KCNMB2: variants seen among roughly 807,000 people sequenced by gnomAD.
KCNMB2 encodes the protein potassium calcium-activated channel subfamily M regulatory beta subunit 2.
In KCNMB2, 9 loss-of-function variants were observed where a neutral mutation model predicts 24.5. The ratio of observed to expected loss-of-function variants is 0.37; its 90% CI spans 0.22 to 0.64. The LOEUF (loss-of-function observed/expected upper bound fraction) is 0.64. Among genes scored for constraint, KCNMB2 ranks in the 30% least tolerant of loss-of-function variants. The pLI is 0.63. For missense variants in KCNMB2, 226 were observed against 284.3 expected (o/e 0.79, Z 1.47); for synonymous variants, 109 against 104.4 (o/e 1.04, Z -0.27).
At chr3:178,663,922 G>T (rs1289357029) in intron 1 of KCNMB2, among the ~76,000 whole-genome samples, 1 of 152,044 alleles carries the variant, frequency 6.6e-6, no homozygotes, top group Non-Finnish European at 1.5e-5. Context: ...TCTAGAGACT[G>T]TGGCACAAGT....
At chr3:178,719,715 A>ATTT in intron 1 of KCNMB2, among the ~76,000 whole-genome samples, 1 of 152,110 alleles carries the variant, frequency 6.6e-6, no homozygotes, top group East Asian at 1.9e-4. Flanking sequence ...CCAAATATAC[A>ATTT]TTTTTCTCTT....
rs187044300 is a variant in KCNMB2, at chr3:178,687,659, T to C, written c.-67-119684T>C. On this transcript the variant is annotated intron_variant, in intron 1 of 4. Coordinates refer to ENST00000452583, the MANE Select transcript of KCNMB2 (RefSeq NM_181361.3). ...AAGTTTGAATGCAGAACCTCAATTT[T>C]TATTATTTATTTTTATGACTGCTGC... is the stretch of plus-strand genomic sequence containing the variant. Among the ~76,000 whole-genome samples, 19 of 152,298 alleles carry C rather than the reference T, an allele frequency of 1.2e-4. No homozygotes were observed. In the East Asian group the frequency reaches 3.7e-3, roughly 29 times the overall value.
At chr3:178,770,995 A>T (rs1031388190) in intron 1 of KCNMB2, among the ~76,000 whole-genome samples, 30 of 152,362 alleles carry the variant, frequency 2.0e-4, no homozygotes, top group Admixed American at 6.5e-4. Context: ...ACTCTCAGGA[A>T]AAACAATTGC....
chr3:178,748,733 C>T (rs932640929), intron 1 of KCNMB2, among the ~76,000 whole-genome samples: 2 of 151,984 alleles, frequency 1.3e-5, no homozygotes, highest in African/African-American at 4.8e-5. Context: ...ATTGAGAACC[C>T]CGCTATTGAA....
chr3:178,703,786 C>T lies in KCNMB2; in HGVS notation c.-67-103557C>T, dbSNP rs56987989. ...TATCTTAGCTTTTCCATGTGGAACC[C>T]AGCTTGCTGTAGACCCAATCTCTTT... On this transcript the variant is annotated intron_variant, in intron 1 of 4. Coordinates refer to ENST00000452583, the MANE Select transcript of KCNMB2 (RefSeq NM_181361.3). Among the ~76,000 whole-genome samples the T allele has an allele frequency of 1.7e-3, 261 of 152,278 alleles. 1 individual carries two copies. The highest frequency in any genetic ancestry group is 6.0e-3 in the African/African-American group (249 of 41,540).
intron 1 of KCNMB2, among the ~76,000 whole-genome samples, chr3:178,635,408 T>TATACAC (rs1553824936): frequency 2.8e-5 from 4 of 144,878 alleles, no homozygotes; most frequent in Admixed American, 2.8e-4. Context: ...TGCTTATGCA[T>TATACAC]ACACACACAC....
intron 1 of KCNMB2, among the ~76,000 whole-genome samples, chr3:178,796,893 C>A (rs1007776117): frequency 6.6e-6 from 1 of 151,712 alleles, no homozygotes; most frequent in Non-Finnish European, 1.5e-5. Context: ...AAAGACATAA[C>A]AGAGAGCAGA....
intron 1 of KCNMB2, among the ~76,000 whole-genome samples, chr3:178,564,918 T>C (rs1302502574): frequency 2.0e-5 from 3 of 152,156 alleles, no homozygotes; most frequent in Non-Finnish European, 4.4e-5. Flanking sequence ...AACCTAACAG[T>C]TATTTGGTGA....
intron 1 of KCNMB2, among the ~76,000 whole-genome samples, chr3:178,572,948 A>G (rs1716857279): frequency 6.6e-6 from 1 of 152,216 alleles, no homozygotes. Flanking sequence ...GAATTCATAC[A>G]GTAAATATTG....
rs61795504 is a variant in KCNMB2 at position 178,693,548 on chromosome 3, C to A, written c.-67-113795C>A. 6.1e-3 allele frequency among the ~76,000 whole-genome samples: 926 copies of A among 152,236 alleles called. 6 individuals carry two copies. The highest frequency in any genetic ancestry group is 0.021 in the African/African-American group (860 of 41,532). On this transcript the variant is annotated intron_variant, in intron 1 of 4. Coordinates refer to ENST00000452583, the MANE Select transcript of KCNMB2 (RefSeq NM_181361.3). The stretch of plus-strand genomic sequence containing the variant: ...TTAGCTCTGTTAATGTGATGAATCA[C>A]ATTTATTTATTTGTATATGTTGAAC...
intron 1 of KCNMB2, among the ~76,000 whole-genome samples, chr3:178,746,546 C>A (rs898178331): frequency 6.6e-6 from 1 of 152,172 alleles, no homozygotes; most frequent in Non-Finnish European, 1.5e-5. Context: ...TTTCTGCAGC[C>A]GGCTTGAATT....
At chr3:178,670,466 G>C (rs978136500) in intron 1 of KCNMB2, among the ~76,000 whole-genome samples, 1 of 152,134 alleles carries the variant, frequency 6.6e-6, no homozygotes, top group Non-Finnish European at 1.5e-5. Context: ...AACACTTCTA[G>C]TGTTACGTGC....
At chr3:178,682,362 C>T (rs1721299608) in intron 1 of KCNMB2, among the ~76,000 whole-genome samples, 1 of 151,996 alleles carries the variant, frequency 6.6e-6, no homozygotes. Flanking sequence ...CTGCTGTCTT[C>T]TCCTTGCAAA....
chr3:178,608,361 A>G (rs1488321524), intron 1 of KCNMB2, among the ~76,000 whole-genome samples: 2 of 151,286 alleles, frequency 1.3e-5, no homozygotes, highest in Admixed American at 1.3e-4. Context: ...AAATATACAT[A>G]GGGTTGATTG....
intron 1 of KCNMB2, among the ~76,000 whole-genome samples, chr3:178,620,551 T>A (rs945770812): frequency 3.9e-5 from 6 of 152,196 alleles, no homozygotes; most frequent in Admixed American, 2.6e-4. Flanking sequence ...CTTCTCACTG[T>A]GCTCTTGCAT....
At chr3:178,764,515 C>G (rs1032027446) in intron 1 of KCNMB2, among the ~76,000 whole-genome samples, 2 of 152,282 alleles carry the variant, frequency 1.3e-5, no homozygotes, top group Admixed American at 1.3e-4. Context: ...ACTATATAGT[C>G]TAAGTGTGTA....
At chr3:178,588,202 G>A (rs546514065) in intron 1 of KCNMB2, among the ~76,000 whole-genome samples, 3 of 152,094 alleles carry the variant, frequency 2.0e-5, no homozygotes, top group African/African-American at 7.2e-5. Context: ...GATGGACCCT[G>A]CCTTTAAGAA....
intron 1 of KCNMB2, among the ~76,000 whole-genome samples, chr3:178,758,526 G>GTATA (rs1269453179): frequency 0.019 from 238 of 12,602 alleles, 15 homozygotes; most frequent in Non-Finnish European, 0.024. Flanking sequence ...AAGAGGAGAT[G>GTATA]TATATATATA....
intron 1 of KCNMB2, among the ~76,000 whole-genome samples, chr3:178,727,929 C>T (rs1723016108): frequency 6.6e-6 from 1 of 152,170 alleles, no homozygotes; most frequent in Non-Finnish European, 1.5e-5. Context: ...TGCCACATTC[C>T]ACACATACTG....
Sources: gnomAD v4.1 joint callset for allele counts (sites outside exome capture counted in the v4.1 genomes callset) on GRCh38, gnomAD v4.1.1 for gene constraint, MANE v1.5 for transcripts, NCBI Gene and HGNC (gene_info 2026-07-23, HGNC 2026-07-21) for gene names.